The following MAPKAPK3 variants were observed in gnomAD, a reference collection of about 807,000 sequenced individuals.
MAPKAPK3 encodes MAP kinase-activated protein kinase 3.
Under a neutral mutation model 49.2 loss-of-function variants are expected in MAPKAPK3, and 35 were observed. That is an observed-to-expected ratio of 0.71 (90% CI 0.54 to 0.94). The LOEUF (loss-of-function observed/expected upper bound fraction) is 0.94. Ranked by LOEUF, MAPKAPK3 falls within the 40% of genes least tolerant of loss-of-function variation. The pLI, the probability that MAPKAPK3 is intolerant of heterozygous loss-of-function variation, is 0.00. For missense variants in MAPKAPK3, 398 were observed against 493.1 expected, an observed-to-expected ratio of 0.81 and a Z score of 1.83; for synonymous variants, 178 against 188.7, an observed-to-expected ratio of 0.94 and a Z score of 0.46.
chr3:50,613,641 T>A (rs950433852), upstream of MAPKAPK3, among the ~76,000 whole-genome samples: 1 of 152,214 alleles, frequency 6.6e-6, no homozygotes. Context: ...GGGTCTCTTA[T>A]GGGGCCAAAT....
At chr3:50,625,885 G>A (rs972491411) in intron 2 of MAPKAPK3, among the ~76,000 whole-genome samples, 8 of 152,060 alleles carry the variant, frequency 5.3e-5, no homozygotes, top group African/African-American at 1.2e-4. Context: ...CCTGGTCAGC[G>A]GGCAGCTCAC....
At position 50,646,221 on chromosome 3, in the gene MAPKAPK3, G is replaced by C; in HGVS notation, c.786G>C (p.Gln262His). Reference sequence around the variant, plus strand: ...TGAAGAGGAGGATTCGCCTGGGCCAGTACGGCTTCCCCAATCCTGAGTGGT... The same window carrying C: ...TGAAGAGGAGGATTCGCCTGGGCCACTACGGCTTCCCCAATCCTGAGTGGT... Reference protein sequence around the residue: ...PGMKRRIRLGQYGFPNPEWSE... With the variant: ...PGMKRRIRLGHYGFPNPEWSE... Residue 262 changes from glutamine (Q) to histidine (H), a missense_variant, in exon 8 of 11, where the codon CAG becomes CAC. Transcript: ENST00000621469. 3 of 1,614,216 alleles carry C rather than the reference G, an allele frequency of 1.9e-6. No homozygotes were observed. The highest frequency in any genetic ancestry group is 2.7e-5 in the African/African-American group (2 of 75,054).
At position 50,640,508 on chromosome 3, in the gene MAPKAPK3, A is replaced by G. The variant is rs1233502319; in HGVS notation, c.359+3A>G. On this transcript the variant is annotated splice_donor_region_variant and intron_variant, in intron 3 of 10. Coordinates refer to ENST00000621469, the MANE Select transcript of MAPKAPK3 (RefSeq NM_001243925.2). ...TGTCTCCTCATCATCATGGAATGGT[A>G]TGCTGGCCTGCCCTGTCTCCACACC... The G allele has an allele frequency of 6.2e-7, 1 of 1,607,366 alleles. No homozygotes were observed. Among genetic ancestry groups the G allele is most frequent in the Non-Finnish European group, 8.5e-7 (1 of 1,174,986 alleles).
chr3:50,647,854 A>C (rs535334265), intron 10 of MAPKAPK3, 40 bp from the exon 11 acceptor site: 3 of 1,584,894 alleles, frequency 1.9e-6, no homozygotes, highest in Admixed American at 1.8e-5. Flanking sequence ...AGGTCAGTAC[A>C]TCCTGACCTC....
intron 2 of MAPKAPK3, among the ~76,000 whole-genome samples, chr3:50,637,251 TGCCAG>T (rs1259776631): frequency 6.6e-6 from 1 of 152,158 alleles, no homozygotes; most frequent in African/African-American, 2.4e-5. Context: ...CAGTGTTTCC[TGCCAG>T]GCCCCAGCCA....
intron 3 of MAPKAPK3, among the ~76,000 whole-genome samples, chr3:50,641,202 T>C (rs2033169264): frequency 6.6e-6 from 1 of 152,186 alleles, no homozygotes; most frequent in Non-Finnish European, 1.5e-5. Flanking sequence ...TCTGCATGAC[T>C]ATGGGGTTGG....
At chr3:50,617,467 T>G (rs1575992929) in intron 1 of MAPKAPK3, 47 bp from the exon 2 acceptor site, 1 of 644,032 alleles carries the variant, frequency 1.6e-6, no homozygotes. Context: ...AAGGCTGGGG[T>G]GTGTTGGAAA....
intron 2 of MAPKAPK3, among the ~76,000 whole-genome samples, chr3:50,618,883 GT>G (rs2107571666): frequency 6.6e-6 from 1 of 152,316 alleles, no homozygotes; most frequent in South Asian, 2.1e-4. Flanking sequence ...TAGAGACAGG[GT>G]TTCACCATGT....
chr3:50,637,243 G>C (rs1488928325), intron 2 of MAPKAPK3, among the ~76,000 whole-genome samples: 4 of 152,164 alleles, frequency 2.6e-5, no homozygotes, highest in African/African-American at 9.7e-5. Context: ...CGGAAGCCCA[G>C]TGTTTCCTGC....
chr3:50,627,516 C>A (rs2032789104), intron 2 of MAPKAPK3, among the ~76,000 whole-genome samples: 1 of 152,174 alleles, frequency 6.6e-6, no homozygotes, highest in African/African-American at 2.4e-5. Context: ...GGTTTGGAGA[C>A]CCCTTCCGCT....
intron 2 of MAPKAPK3, among the ~76,000 whole-genome samples, chr3:50,629,887 TTGA>T (rs1380926434): frequency 1.3e-5 from 2 of 152,232 alleles, no homozygotes; most frequent in African/African-American, 4.8e-5. Context: ...TTCCTAAGAC[TTGA>T]TGATTTCAAA....
Position 50,632,002 on chromosome 3 carries a change from C to G in MAPKAPK3, c.220-8364C>G, listed in dbSNP as rs530990008. 5.9e-5 allele frequency among the ~76,000 whole-genome samples: 9 copies of G among 152,324 alleles called. No homozygotes were observed. In the East Asian group the frequency reaches 9.6e-4, roughly 16 times the overall value. On this transcript the variant is annotated intron_variant, in intron 2 of 10. Transcript: ENST00000621469. ...ATCTGTCCTCTGGCACAAAACAAAG[C>G]TGGAATCCCAAGAAAATAAAGGTCT...
intron 6 of MAPKAPK3, 90 bp from the exon 7 acceptor site, chr3:50,645,620 C>T: frequency 3.0e-6 from 3 of 992,304 alleles, no homozygotes; most frequent in Admixed American, 1.9e-5. Context: ...AGCCCAGGTA[C>T]CTGCTCCCCA....
intron 3 of MAPKAPK3, 115 bp downstream of exon 3, chr3:50,640,620 G>A: frequency 2.2e-6 from 3 of 1,338,108 alleles, no homozygotes; most frequent in Non-Finnish European, 3.0e-6. Context: ...GGGTGCCACT[G>A]TAGCCCCTGA....
At chr3:50,615,045 C>T (rs2032428741), upstream of MAPKAPK3, among the ~76,000 whole-genome samples, 1 of 152,236 alleles carries the variant, frequency 6.6e-6, no homozygotes, top group Admixed American at 6.5e-5. Context: ...CTTCACAGAA[C>T]ATTCAGTGGG....
chr3:50,628,013 G>A (rs770756592), intron 2 of MAPKAPK3, among the ~76,000 whole-genome samples: 15 of 152,180 alleles, frequency 9.9e-5, no homozygotes, highest in African/African-American at 1.9e-4. Context: ...GTCAGTGTTG[G>A]GGGTGGGGAT....
At chr3:50,616,623 G>A (rs2032468510), upstream of MAPKAPK3, among the ~76,000 whole-genome samples, 1 of 152,150 alleles carries the variant, frequency 6.6e-6, no homozygotes, top group East Asian at 1.9e-4. Flanking sequence ...GCAAAAAGGG[G>A]GCAGTCGCCA....
upstream of MAPKAPK3, chr3:50,612,630 C>A (rs1264334200): frequency 6.6e-6 from 1 of 151,928 alleles, no homozygotes; most frequent in Non-Finnish European, 1.5e-5. Flanking sequence ...CCGGCCCTGC[C>A]AGTCAGGGGA....
In MAPKAPK3 at chr3:50,644,438, G is replaced by T; in HGVS notation, c.534G>T (p.Glu178Asp). 6.2e-7 allele frequency: 1 copy of T among 1,614,210 alleles called. No individual in the cohort carries two copies. Residue 178 changes from glutamate (E) to aspartate (D), a missense_variant, in exon 6 of 11, where the codon GAG becomes GAT. Glu to Asp is a conservative substitution (Grantham distance 45). Coordinates refer to ENST00000621469, the MANE Select transcript of MAPKAPK3 (RefSeq NM_001243925.2). The part of the protein sequence containing the change: ...KPENLLYTSK[E>D]KDAVLKLTDF... ...AAAACCTACTCTACACATCTAAGGAGAAAGACGCAGTGCTTAAGCTCACCG... is the reference window on the plus strand; with the variant it reads ...AAAACCTACTCTACACATCTAAGGATAAAGACGCAGTGCTTAAGCTCACCG...
Sources: gnomAD v4.1 joint callset for allele counts (sites outside exome capture counted in the v4.1 genomes callset) on GRCh38, gnomAD v4.1.1 for gene constraint, MANE v1.5 for transcripts, NCBI Gene and HGNC (gene_info 2026-07-23, HGNC 2026-07-21) for gene names.